GULP1: variants seen among roughly 807,000 people sequenced by gnomAD.
GULP1 encodes the protein GULP PTB domain containing engulfment adaptor 1, also known as PTB domain-containing engulfment adapter protein 1.
GULP1 carries 19 observed loss-of-function variants against 40.9 expected under a neutral mutation model. That is an observed-to-expected ratio of 0.46 (90% CI 0.32 to 0.68). The LOEUF is 0.68. Ranked by LOEUF, GULP1 falls within the 30% of genes least tolerant of loss-of-function variation. The pLI is 0.03. For synonymous variants in GULP1, 119 were observed against 117.6 expected, an observed-to-expected ratio of 1.01 and a Z score of -0.08; for missense variants, 312 against 362.2, an observed-to-expected ratio of 0.86 and a Z score of 1.12.
intron 9 of GULP1, among the ~76,000 whole-genome samples, chr2:188,572,968 G>A (rs1396826590): frequency 6.6e-6 from 1 of 152,032 alleles, no homozygotes; most frequent in Non-Finnish European, 1.5e-5. Context: ...TAATAACAAG[G>A]TATTATATAC....
At chr2:188,588,954 C>G (rs1351391240) in intron 11 of GULP1, 2 of 152,186 alleles carry the variant, frequency 1.3e-5, no homozygotes, top group Middle Eastern at 3.4e-3. Context: ...GATGTAATAA[C>G]ATGCCTGAAT....
rs186593428 is a variant in GULP1, at chr2:188,520,600, G to C, written c.91-2156G>C. The stretch of plus-strand genomic sequence containing the variant: ...AAAAGTGAAACTTCTCTTTGCCTCA[G>C]TGCAACTGAGCTTTACTCTCTAGCC... On this transcript the variant is annotated intron_variant, in intron 4 of 11. Coordinates refer to ENST00000409830, the MANE Select transcript of GULP1 (RefSeq NM_016315.4). Among the ~76,000 whole-genome samples, 842 of 150,760 alleles carry C rather than the reference G, an allele frequency of 5.6e-3. 10 individuals are homozygous for C. Among genetic ancestry groups the C allele is most frequent in the Admixed American group, 5.5e-3 (83 of 15,152 alleles).
At chr2:188,514,082 T>TGTGTGTGTGC (rs766246317) in intron 4 of GULP1, among the ~76,000 whole-genome samples, 426 of 149,282 alleles carry the variant, frequency 2.9e-3, no homozygotes, top group Middle Eastern at 3.4e-3. Context: ...TGTGTGTGTG[T>TGTGTGTGTGC]GCGCCCTGCC....
intron 7 of GULP1, among the ~76,000 whole-genome samples, chr2:188,552,061 T>C (rs1017035428): frequency 6.6e-6 from 1 of 151,810 alleles, no homozygotes; most frequent in African/African-American, 2.4e-5. Context: ...TTGTATATTC[T>C]GGAAGTTAGT....
At chr2:188,322,752 C>T (rs377269682) in intron 1 of GULP1, among the ~76,000 whole-genome samples, 42 of 152,214 alleles carry the variant, frequency 2.8e-4, no homozygotes, top group Non-Finnish European at 3.8e-4. Context: ...CTGAGTAGTA[C>T]GTCAAAGCCA....
intron 1 of GULP1, among the ~76,000 whole-genome samples, chr2:188,310,542 G>A (rs1455311469): frequency 6.6e-6 from 1 of 152,182 alleles, no homozygotes; most frequent in African/African-American, 2.4e-5. Context: ...GACAAAGAAT[G>A]TGATTGGAAG....
At chr2:188,420,474 A>C (rs1230949913) in intron 2 of GULP1, among the ~76,000 whole-genome samples, 1 of 152,122 alleles carries the variant, frequency 6.6e-6, no homozygotes, top group African/African-American at 2.4e-5. Context: ...GGAGTGTTAC[A>C]GTTCTGCTGC....
chr2:188,331,017 A>G (rs529373034), intron 1 of GULP1, among the ~76,000 whole-genome samples: 81 of 152,346 alleles, frequency 5.3e-4, no homozygotes, highest in African/African-American at 1.9e-3. Context: ...TCAATTAGTT[A>G]TGTACCAAGT....
intron 1 of GULP1, among the ~76,000 whole-genome samples, chr2:188,319,829 C>T (rs1387951673): frequency 3.3e-5 from 5 of 151,876 alleles, no homozygotes; most frequent in Non-Finnish European, 7.4e-5. Flanking sequence ...TTGTCCTATT[C>T]TTTCTTTCAT....
chr2:188,362,379 G>T, intron 1 of GULP1, among the ~76,000 whole-genome samples: 1 of 152,044 alleles, frequency 6.6e-6, no homozygotes, highest in East Asian at 1.9e-4. Context: ...TAGAACTAGT[G>T]TTTTTCAGAA....
At chr2:188,582,646 T>G (rs1701558318) in intron 9 of GULP1, 1 of 396,304 alleles carries the variant, frequency 2.5e-6, no homozygotes, top group African/African-American at 2.1e-5. Context: ...ATTTGTAAAG[T>G]TATCAAAAAT....
chr2:188,466,802 A>C (rs2060167715), intron 2 of GULP1, among the ~76,000 whole-genome samples: 1 of 152,196 alleles, frequency 6.6e-6, no homozygotes, highest in African/African-American at 2.4e-5. Flanking sequence ...GCTGTCTGGT[A>C]GGTATCTCAG....
chr2:188,430,528 A>C (rs138387720), intron 2 of GULP1, among the ~76,000 whole-genome samples: 3 of 152,182 alleles, frequency 2.0e-5, no homozygotes, highest in Non-Finnish European at 4.4e-5. Context: ...TAGCGACAAC[A>C]TGGGAAGTTG....
chr2:188,514,077 G>GTGTGTGTGTA (rs1221246994), intron 4 of GULP1, among the ~76,000 whole-genome samples: 1 of 150,142 alleles, frequency 6.7e-6, no homozygotes, highest in East Asian at 2.0e-4. Context: ...GTGTGTGTGT[G>GTGTGTGTGTA]TGTGTGCGCC....
In GULP1 at chr2:188,295,047, T is replaced by C. The variant is rs555280469; in HGVS notation, c.-172+2881T>C. 8.5e-5 allele frequency among the ~76,000 whole-genome samples: 13 copies of C among 152,322 alleles called. No homozygotes were observed. The East Asian group carries it at 1.9e-3, about 23-fold the overall frequency. On this transcript the variant is annotated intron_variant, in intron 1 of 11. Coordinates refer to ENST00000409830, the MANE Select transcript of GULP1 (RefSeq NM_016315.4). Reference sequence around the variant, plus strand: ...TGTTATGGTTAAGGCTGAGTCATTTTCTCAAACAGAAAAGAACAATTAGCA... The same window carrying C: ...TGTTATGGTTAAGGCTGAGTCATTTCCTCAAACAGAAAAGAACAATTAGCA...
At chr2:188,301,833 T>A (rs2036188459) in intron 1 of GULP1, among the ~76,000 whole-genome samples, 1 of 152,186 alleles carries the variant, frequency 6.6e-6, no homozygotes, top group Non-Finnish European at 1.5e-5. Flanking sequence ...GATCATCTTT[T>A]GTCACGAGGA....
chr2:188,327,189 G>A (rs2040868504), intron 1 of GULP1, among the ~76,000 whole-genome samples: 1 of 152,116 alleles, frequency 6.6e-6, no homozygotes, highest in African/African-American at 2.4e-5. Context: ...CACATGTGAA[G>A]GCAAGATGCC....
At chr2:188,530,693 ACT>A (rs1340844036) in intron 6 of GULP1, among the ~76,000 whole-genome samples, 2 of 152,180 alleles carry the variant, frequency 1.3e-5, no homozygotes, top group Admixed American at 6.5e-5. Context: ...TTGATCTTAG[ACT>A]TCTAACCTGC....
intron 6 of GULP1, among the ~76,000 whole-genome samples, chr2:188,536,980 G>T (rs1342701177): frequency 6.6e-6 from 1 of 151,684 alleles, no homozygotes; most frequent in African/African-American, 2.4e-5. Context: ...TTGTCTCTCA[G>T]CTTTAATGTT....
Sources: allele counts gnomAD v4.1 joint callset (sites outside exome capture counted in the v4.1 genomes callset), GRCh38; gene constraint gnomAD v4.1.1; transcripts MANE v1.5; gene names NCBI Gene and HGNC (gene_info 2026-07-23, HGNC 2026-07-21).